The following COLEC12 variants were observed in gnomAD, a reference collection of about 807,000 sequenced individuals.
The protein encoded by COLEC12 is collectin subfamily member 12.
A neutral mutation model predicts 71.1 loss-of-function variants in COLEC12; 33 were observed. That is an observed-to-expected ratio of 0.46 (90% CI 0.35 to 0.62). The LOEUF (loss-of-function observed/expected upper bound fraction) is 0.62. COLEC12 is among the 20% of genes least tolerant of loss of function. The probability of loss-of-function intolerance (pLI) is 0.00; values close to 1 mark genes in which losing one functional copy is unlikely to be tolerated. For missense variants in COLEC12, 765 were observed against 916.1 expected (o/e 0.84, Z 2.13); for synonymous variants, 350 against 353.0 (o/e 0.99, Z 0.10).
intron 2 of COLEC12, among the ~76,000 whole-genome samples, chr18:358,848 G>A (rs1257495607): frequency 6.6e-6 from 1 of 152,126 alleles, no homozygotes; most frequent in African/African-American, 2.4e-5. Flanking sequence ...ACAATGGTAA[G>A]TATTTGTGTA....
chr18:353,611 A>T (rs1344039652), intron 3 of COLEC12, among the ~76,000 whole-genome samples: 2 of 152,240 alleles, frequency 1.3e-5, no homozygotes, highest in African/African-American at 4.8e-5. Flanking sequence ...TAGGTGGCAT[A>T]GTGCTAGACA....
chr18:499,269 C>T (rs1221116285), intron 1 of COLEC12, among the ~76,000 whole-genome samples: 1 of 152,134 alleles, frequency 6.6e-6, no homozygotes, highest in Non-Finnish European at 1.5e-5. Flanking sequence ...GTTTCTTTTT[C>T]CCTGGGGCAG....
chr18:364,422 T>C (rs1264687868), intron 2 of COLEC12, among the ~76,000 whole-genome samples: 1 of 152,202 alleles, frequency 6.6e-6, no homozygotes, highest in African/African-American at 2.4e-5. Flanking sequence ...CCTTGCTCAC[T>C]GGGGAGCTCA....
At chr18:402,921 C>T (rs887901519) in intron 2 of COLEC12, among the ~76,000 whole-genome samples, 10 of 151,966 alleles carry the variant, frequency 6.6e-5, no homozygotes, top group Admixed American at 3.9e-4. Context: ...GTTAAGTCAC[C>T]GTGCCCTTCA....
intron 1 of COLEC12, among the ~76,000 whole-genome samples, chr18:499,519 C>T (rs1917778151): frequency 6.6e-6 from 1 of 152,240 alleles, no homozygotes. Context: ...ATCGCCAGGT[C>T]TGTGGCGGCT....
rs535149136 is a variant in COLEC12, at chr18:369,333, C to G, written c.59-11811G>C. On this transcript the variant is annotated intron_variant, in intron 2 of 9. Transcript: ENST00000400256. ...AGAAGTTCAGGATCACTGGCACCACCAAGCTTGGACATGAAGCATCGTTCC... is the reference window on the plus strand; with the variant it reads ...AGAAGTTCAGGATCACTGGCACCACGAAGCTTGGACATGAAGCATCGTTCC... Among the ~76,000 whole-genome samples, 48 of 152,010 alleles carry G rather than the reference C, an allele frequency of 3.2e-4. No individual in the cohort carries two copies. The South Asian group carries it at 5.8e-3, about 18-fold the overall frequency.
intron 2 of COLEC12, among the ~76,000 whole-genome samples, chr18:473,795 G>A (rs1027213076): frequency 1.3e-5 from 2 of 152,144 alleles, no homozygotes; most frequent in African/African-American, 2.4e-5. Context: ...ATGTCTTCAT[G>A]CTGTCTTAAC....
At chr18:498,704 C>A (rs533851316) in intron 1 of COLEC12, among the ~76,000 whole-genome samples, 365 of 152,230 alleles carry the variant, frequency 2.4e-3, no homozygotes, top group African/African-American at 7.1e-3. Flanking sequence ...AATGATTAGT[C>A]TACCCGGGGA....
chr18:322,169 T>C (rs1913721836), intron 8 of COLEC12, among the ~76,000 whole-genome samples: 1 of 144,102 alleles, frequency 6.9e-6, no homozygotes. Context: ...TGTGTGTGAA[T>C]ATCTATTCAT....
intron 2 of COLEC12, among the ~76,000 whole-genome samples, chr18:475,888 C>T (rs549837376): frequency 1.3e-5 from 2 of 152,166 alleles, no homozygotes; most frequent in Non-Finnish European, 2.9e-5. Context: ...GGCAGGGGCA[C>T]TGAGAGGCAG....
chr18:403,232 ACAAAT>A (rs1915722761), intron 2 of COLEC12, among the ~76,000 whole-genome samples: 1 of 152,234 alleles, frequency 6.6e-6, no homozygotes, highest in Non-Finnish European at 1.5e-5. Context: ...ACACATGAAC[ACAAAT>A]TGTATAGAGT....
chr18:440,380 C>T (rs201787849), intron 2 of COLEC12, among the ~76,000 whole-genome samples: 1,742 of 54,696 alleles, frequency 0.032, 13 homozygotes, highest in African/African-American at 0.04. Flanking sequence ...CACACACATA[C>T]ACACACACAC....
chr18:441,944 G>A (rs1324204093), intron 2 of COLEC12, among the ~76,000 whole-genome samples: 1 of 144,648 alleles, frequency 6.9e-6, no homozygotes, highest in African/African-American at 2.9e-5. Flanking sequence ...AGGCTGCAGT[G>A]AGCCGTGATC....
intron 3 of COLEC12, among the ~76,000 whole-genome samples, chr18:351,805 T>C (rs1209032028): frequency 6.6e-6 from 1 of 152,210 alleles, no homozygotes; most frequent in Non-Finnish European, 1.5e-5. Flanking sequence ...TACATACGTA[T>C]ACATGTGCCA....
chr18:362,490 C>T lies in COLEC12; in HGVS notation c.59-4968G>A, dbSNP rs1914767840. ...TTGAACCTAGATGGTTACAAAATAACATTCAAGAGAGATATCCCCCTGTTA... is the reference window on the plus strand; with the variant it reads ...TTGAACCTAGATGGTTACAAAATAATATTCAAGAGAGATATCCCCCTGTTA... On this transcript the variant is annotated intron_variant, in intron 2 of 9. Coordinates refer to ENST00000400256, the MANE Select transcript of COLEC12 (RefSeq NM_130386.3). This position sits in a 1 kb window ranked among gnomAD's most constrained non-coding sequence, Gnocchi z 4.6. 6.6e-6 allele frequency among the ~76,000 whole-genome samples: 1 copy of T among 151,958 alleles called. No homozygotes were observed. Among genetic ancestry groups the T allele is most frequent in the Non-Finnish European group, 1.5e-5 (1 of 67,998 alleles).
chr18:332,312 A>G (rs117212736), intron 7 of COLEC12, among the ~76,000 whole-genome samples: 8 of 152,324 alleles, frequency 5.3e-5, no homozygotes, highest in Non-Finnish European at 8.8e-5. Flanking sequence ...TACAGGAAAC[A>G]TCTGTTTACA....
intron 2 of COLEC12, among the ~76,000 whole-genome samples, chr18:358,003 C>A (rs988279603): frequency 6.6e-6 from 1 of 152,186 alleles, no homozygotes; most frequent in Non-Finnish European, 1.5e-5. Flanking sequence ...CTCTTAGGAG[C>A]GTGAACCCTA....
At chr18:349,630 A>G (rs1248016728) in intron 3 of COLEC12, among the ~76,000 whole-genome samples, 1 of 152,200 alleles carries the variant, frequency 6.6e-6, no homozygotes, top group Non-Finnish European at 1.5e-5. Flanking sequence ...TGGAAAAGCC[A>G]CAGATGCTCA....
intron 2 of COLEC12, among the ~76,000 whole-genome samples, chr18:440,368 CACACACACAT>C (rs900919752): frequency 1.5e-4 from 15 of 97,758 alleles, no homozygotes; most frequent in South Asian, 4.8e-4. Context: ...TCAACACACA[CACACACACAT>C]ACACACACAC....
Sources: gnomAD v4.1 joint callset for allele counts (sites outside exome capture counted in the v4.1 genomes callset) on GRCh38, gnomAD v4.1.1 for gene constraint, Gnocchi (gnomAD v3.1) non-coding constraint, MANE v1.5 for transcripts, NCBI Gene and HGNC (gene_info 2026-07-23, HGNC 2026-07-21) for gene names.